MFAP2: variants seen among roughly 807,000 people sequenced by gnomAD.
MFAP2 encodes microfibrillar-associated protein 2.
Under a neutral mutation model 30.6 loss-of-function variants are expected in MFAP2, and 23 were observed. That is an observed-to-expected ratio of 0.75 (90% confidence interval 0.54 to 1.07). MFAP2 has a LOEUF of 1.07. Among genes scored for constraint, MFAP2 ranks in the 50% least tolerant of loss-of-function variants. The probability of loss-of-function intolerance (pLI) is 0.00; values close to 1 mark genes in which losing one functional copy is unlikely to be tolerated. For missense variants in MFAP2, 198 were observed against 223.8 expected (o/e 0.88, Z 0.74); for synonymous variants, 73 against 85.7 (o/e 0.85, Z 0.82).
intron 1 of MFAP2, chr1:16,978,954 T>G (rs924695138): frequency 6.6e-6 from 1 of 152,244 alleles, no homozygotes; most frequent in Non-Finnish European, 1.5e-5. Flanking sequence ...TCGCAAGACC[T>G]GGCTGTGTGC....
At chr1:16,980,514 G>GC (rs958719421) in intron 1 of MFAP2, 73 bp downstream of exon 1, 1 of 151,836 alleles carries the variant, frequency 6.6e-6, no homozygotes, top group Non-Finnish European at 1.5e-5. Flanking sequence ...TGGCACCCTC[G>GC]CCCCCGCGCC....
In MFAP2 at chr1:16,975,469, T is replaced by G. The variant is rs943971782; in HGVS notation, c.375-127A>C. Reference sequence around the variant, plus strand: ...CGGGAGCCCGGACAGAACCTGGCACTGGAGCCCAGGAGTGGAGGAGGTCCC... The same window carrying G: ...CGGGAGCCCGGACAGAACCTGGCACGGGAGCCCAGGAGTGGAGGAGGTCCC... On this transcript the variant is annotated intron_variant, in intron 7 of 8. Coordinates refer to ENST00000375535, the MANE Select transcript of MFAP2 (RefSeq NM_002403.4). The surrounding 1 kb of genome is among the most constrained non-coding windows in gnomAD (Gnocchi z 5.0). 61 of 1,165,236 alleles carry G rather than the reference T, an allele frequency of 5.2e-5. No homozygotes were observed. The South Asian group carries it at 5.9e-4, about 11-fold the overall frequency. The allele number at this position is 1,165,236 out of a possible 1,614,324, so 72.2% of individuals were successfully genotyped here.
chr1:16,977,681 C>T (rs2076604512), intron 2 of MFAP2: 1 of 173,150 alleles, frequency 5.8e-6, no homozygotes, highest in Non-Finnish European at 1.2e-5. Flanking sequence ...TGATGAGGAG[C>T]AACGATGTGT....
chr1:16,976,584 G>T lies in MFAP2; in HGVS notation c.242-39C>A, dbSNP rs762550391. Reference sequence around the variant, plus strand: ...AGAGGTAGGCAGACATCACTGGGAGGGGTCTCCTCAGGGCAAGGGGAGTCA... The same window carrying T: ...AGAGGTAGGCAGACATCACTGGGAGTGGTCTCCTCAGGGCAAGGGGAGTCA... On this transcript the variant is annotated intron_variant, in intron 5 of 8. Coordinates refer to ENST00000375535, the MANE Select transcript of MFAP2 (RefSeq NM_002403.4). This position sits in a 1 kb window ranked among gnomAD's most constrained non-coding sequence, Gnocchi z 5.5. 3.1e-5 allele frequency: 50 copies of T among 1,613,800 alleles called. No individual in the cohort carries two copies. Among genetic ancestry groups the T allele is most frequent in the South Asian group, 2.2e-4 (20 of 91,086 alleles).
intron 1 of MFAP2, 142 bp from the exon 2 acceptor site, chr1:16,978,456 C>G (rs1350684589): frequency 1.4e-6 from 1 of 699,550 alleles, no homozygotes; most frequent in Non-Finnish European, 2.4e-6. Flanking sequence ...GGAGGGACAT[C>G]CCAGTCCCTG....
chr1:16,979,668 C>G (rs1414813000), intron 1 of MFAP2, among the ~76,000 whole-genome samples: 1 of 152,236 alleles, frequency 6.6e-6, no homozygotes, highest in Non-Finnish European at 1.5e-5. Flanking sequence ...TGCCCTTCTC[C>G]CCATCCGTCA....
In MFAP2 at chr1:16,978,219, G is replaced by A. The variant is rs1179657906; in HGVS notation, c.37+18C>T. ...CCCCACATAAGAGGAGCTACCCCCTGCCCCAGGAGCCACTTACCAGGCAGG... is the reference window on the plus strand; with the variant it reads ...CCCCACATAAGAGGAGCTACCCCCTACCCCAGGAGCCACTTACCAGGCAGG... On this transcript the variant is annotated intron_variant, in intron 2 of 8. Coordinates refer to ENST00000375535, the MANE Select transcript of MFAP2 (RefSeq NM_002403.4). 1.3e-6 allele frequency: 2 copies of A among 1,564,938 alleles called. No individual in the cohort carries two copies. Among genetic ancestry groups the A allele is most frequent in the Non-Finnish European group, 1.7e-6 (2 of 1,153,806 alleles).
upstream of MFAP2, among the ~76,000 whole-genome samples, chr1:16,981,100 G>A (rs1004193481): frequency 6.6e-6 from 1 of 152,196 alleles, no homozygotes. Flanking sequence ...ACACTGCTGA[G>A]CTCTGGGCCA....
chr1:16,975,406 G>C lies in MFAP2; in HGVS notation c.375-64C>G. 1 of 1,046,374 alleles carries C rather than the reference G, an allele frequency of 9.6e-7. No homozygotes were observed. Among genetic ancestry groups the C allele is most frequent in the Non-Finnish European group, 1.2e-6 (1 of 824,854 alleles). 64.8% of individuals were successfully genotyped at this position (1,046,374 alleles called of 1,614,324 possible). A position where few individuals can be genotyped will look rare whatever the true frequency, so the allele number is the denominator to read the frequency against. ...CACCCAATCCCACTGGGATAGCCCA[G>C]ACAGAACCTGGCACGGGAGCCCGGA... On this transcript the variant is annotated intron_variant, in intron 7 of 8. Transcript: ENST00000375535. The surrounding 1 kb of genome is among the most constrained non-coding windows in gnomAD (Gnocchi z 5.0).
Position 16,977,148 on chromosome 1 carries a change from G to C in MFAP2, c.88C>G (p.Pro30Ala), listed in dbSNP as rs1260676920. Residue 30 changes from proline (P) to alanine (A), a missense_variant, in exon 3 of 9, where the codon CCT becomes GCT. Coordinates refer to ENST00000375535, the MANE Select transcript of MFAP2 (RefSeq NM_002403.4). ...QYDLDPLPPF[P>A]DHVQYTHYSD... ...TAGTGGGTGTACTGGACGTGGTCAG[G>C]GAACGGCGGCAGCGGGTCCAGGTCA... The C allele has an allele frequency of 6.2e-7, 1 of 1,613,614 alleles. No individual in the cohort carries two copies. Among genetic ancestry groups the C allele is most frequent in the Admixed American group, 1.7e-5 (1 of 60,016 alleles).
intron 1 of MFAP2, among the ~76,000 whole-genome samples, chr1:16,978,542 C>A (rs2076611965): frequency 6.6e-6 from 1 of 152,220 alleles, no homozygotes; most frequent in Admixed American, 6.5e-5. Context: ...GACAAGCAAA[C>A]CCCGTGTAGT....
At chr1:16,979,265 G>A (rs116559477) in intron 1 of MFAP2, among the ~76,000 whole-genome samples, 1,957 of 152,294 alleles carry the variant, frequency 0.013, 47 homozygotes, top group African/African-American at 0.045. Flanking sequence ...TCAGTGGAGG[G>A]CCACCTCAGG....
At position 16,979,745 on chromosome 1, in the gene MFAP2, T is replaced by TG. The variant is rs1008286134; in HGVS notation, c.-42+841dup. ...TGGGGCAAGAGGGGTTGCAAGGTGT[T>TG]GGGGGATGCCTGTCGGTACCCTGCG... On this transcript the variant is annotated intron_variant, in intron 1 of 8. Transcript: ENST00000375535. 8.4e-4 allele frequency among the ~76,000 whole-genome samples: 128 copies of TG among 152,312 alleles called. 1 individual carries two copies. The highest frequency in any genetic ancestry group is 3.7e-4 in the Non-Finnish European group (25 of 68,012).
At position 16,976,547 on chromosome 1, in the gene MFAP2, T is replaced by C. The variant is rs374827758; in HGVS notation, c.242-2A>G. 9.9e-6 allele frequency: 16 copies of C among 1,614,082 alleles called. No individual in the cohort carries two copies. In the African/African-American group the frequency reaches 2.1e-4, roughly 22 times the overall value. On this transcript the variant is annotated splice_acceptor_variant, in intron 5 of 8. Transcript: ENST00000375535. LOFTEE classifies it high-confidence loss of function. This position sits in a 1 kb window ranked among gnomAD's most constrained non-coding sequence, Gnocchi z 5.5. ...GCTCCAGCTCTGCATTTCCTGGTTC[T>C]GGTGTGGAGACAGAGGTAGGCAGAC... is the stretch of plus-strand genomic sequence containing the variant.
In MFAP2 at chr1:16,974,959, G is replaced by A. The variant is rs1414386112; in HGVS notation, c.513C>T (p.Ser171=). 9 of 1,042,858 alleles carry A rather than the reference G, an allele frequency of 8.6e-6. No homozygotes were observed. The highest frequency in any genetic ancestry group is 5.5e-5 in the South Asian group (4 of 73,224). The allele number at this position is 1,042,858 out of a possible 1,614,324, so 64.6% of individuals were successfully genotyped here. The change falls in exon 9 of 9, where the codon TCC becomes TCT. Residue 171 remains serine (S), a synonymous_variant. Coordinates refer to ENST00000375535, the MANE Select transcript of MFAP2 (RefSeq NM_002403.4). ...AGCTCCTGGCACAGGAGGCCGCCACGGATTGGCACAGGCCGCTGCTGGCCA... is the reference window on the plus strand; with the variant it reads ...AGCTCCTGGCACAGGAGGCCGCCACAGATTGGCACAGGCCGCTGCTGGCCA... The part of the protein sequence containing the change: ...GVMASSGLCQ[S]VAASCARSCG...
chr1:16,975,397 G>T lies in MFAP2; in HGVS notation c.375-55C>A. ...CCCCACTTCCACCCAATCCCACTGG[G>T]ATAGCCCAGACAGAACCTGGCACGG... On this transcript the variant is annotated intron_variant, in intron 7 of 8. Transcript: ENST00000375535. The surrounding 1 kb of genome is among the most constrained non-coding windows in gnomAD (Gnocchi z 5.0). The T allele has an allele frequency of 6.3e-7, 1 of 1,586,932 alleles. No homozygotes were observed. The highest frequency in any genetic ancestry group is 1.1e-5 in the South Asian group (1 of 88,836).
In MFAP2 at chr1:16,976,747, G is replaced by T. The variant is rs772489518; in HGVS notation, c.202C>A (p.Gln68Lys). ...SEEQFQFQSQ[Q>K]QVQQEVIPAP... The stretch of plus-strand genomic sequence containing the variant: ...GGGATGACTTCCTGTTGGACTTGCT[G>T]CTGGGACTGGAACTGGAACTGTTCC... The change falls in exon 5 of 9, where the codon CAG (glutamine) becomes AAG (lysine). Residue 68 changes from glutamine (Q) to lysine (K), a missense_variant. Transcript: ENST00000375535. This position sits in a 1 kb window ranked among gnomAD's most constrained non-coding sequence, Gnocchi z 5.5. 6.2e-7 allele frequency: 1 copy of T among 1,613,914 alleles called. No individual in the cohort carries two copies. The highest frequency in any genetic ancestry group is 8.5e-7 in the Non-Finnish European group (1 of 1,179,884).
chr1:16,975,817 T>C lies in MFAP2; in HGVS notation c.287-87A>G. On this transcript the variant is annotated intron_variant, in intron 6 of 8. Transcript: ENST00000375535. The surrounding 1 kb of genome is among the most constrained non-coding windows in gnomAD (Gnocchi z 5.0). ...CCTGAGGCTGGCTCACAGGGCCTAG[T>C]CCCCCCTGTACCTTCAGGCCCCGTG... is the stretch of plus-strand genomic sequence containing the variant. 4.4e-6 allele frequency: 5 copies of C among 1,149,300 alleles called. No homozygotes were observed. Among genetic ancestry groups the C allele is most frequent in the Non-Finnish European group, 6.4e-6 (5 of 782,640 alleles). 71.2% of individuals were successfully genotyped at this position (1,149,300 alleles called of 1,614,324 possible).
At position 16,975,287 on chromosome 1, in the gene MFAP2, G is replaced by A; in HGVS notation, c.430C>T (p.His144Tyr). ...TTCCTACCTCGGAGGAGCTCCTCAT[G>A]GGCACACACTGTACGAACACAGATC... ...KEICVRTVCA[H>Y]EELLRADLCR... is the part of the protein sequence containing the mutation. Residue 144 changes from histidine (H) to tyrosine (Y), a missense_variant, in exon 8 of 9, where the codon CAT becomes TAT. Transcript: ENST00000375535. The surrounding 1 kb of genome is among the most constrained non-coding windows in gnomAD (Gnocchi z 5.0). 1 of 1,613,914 alleles carries A rather than the reference G, an allele frequency of 6.2e-7. No individual in the cohort carries two copies. The highest frequency in any genetic ancestry group is 8.5e-7 in the Non-Finnish European group (1 of 1,179,872).
Sources: allele counts gnomAD v4.1 joint callset (sites outside exome capture counted in the v4.1 genomes callset), GRCh38; gene constraint gnomAD v4.1.1; non-coding constraint Gnocchi (gnomAD v3.1); transcripts MANE v1.5; gene names NCBI Gene and HGNC (gene_info 2026-07-23, HGNC 2026-07-21).